KDR: variants seen among roughly 807,000 people sequenced by gnomAD.
The protein encoded by KDR is kinase insert domain receptor, also known as vascular endothelial growth factor receptor 2.
KDR carries 43 observed loss-of-function variants against 160.9 expected under a neutral mutation model. That is an observed-to-expected ratio of 0.27 (90% CI 0.21 to 0.34). KDR has a LOEUF of 0.34. Among genes scored for constraint, KDR ranks in the 10% least tolerant of loss-of-function variants. KDR has a pLI of 1.00. For missense variants in KDR, 1,469 were observed against 1,666.4 expected (o/e 0.88, Z 2.06); for synonymous variants, 617 against 600.1 (o/e 1.03, Z -0.41).
intron 22 of KDR, 151 bp from the exon 23 acceptor site, chr4:55,090,229 A>T: frequency 1.2e-6 from 1 of 843,766 alleles, no homozygotes; most frequent in Non-Finnish European, 1.9e-6. Context: ...ACTTCAGGAA[A>T]AAAGTCTGTG....
rs1466474419 is a variant in KDR, at chr4:55,078,795, A to G, written c.*1146T>C. On this transcript the variant is annotated 3_prime_UTR_variant, in exon 30 of 30. Coordinates refer to ENST00000263923, the MANE Select transcript of KDR (RefSeq NM_002253.4). ...TATATGTTAAAAGTCTAAATAATACAATAGATGTTATAATTTGGGCTATAA... is the reference window on the plus strand; with the variant it reads ...TATATGTTAAAAGTCTAAATAATACGATAGATGTTATAATTTGGGCTATAA... The G allele has an allele frequency of 4.3e-6, 1 of 232,954 alleles. No homozygotes were observed. The highest frequency in any genetic ancestry group is 5.6e-5 in the Admixed American group (1 of 17,776). 14.4% of individuals were successfully genotyped at this position (232,954 alleles called of 1,614,324 possible).
chr4:55,096,860 T>TAA, intron 18 of KDR: 1 of 185,130 alleles, frequency 5.4e-6, no homozygotes, highest in Admixed American at 5.3e-5. Flanking sequence ...GACTATGTGT[T>TAA]TGATCCTGTA....
Position 55,106,928 on chromosome 4 carries a change from C to A in KDR, c.1413-118G>T, listed in dbSNP as rs536383116. The A allele has an allele frequency of 1.5e-5, 13 of 886,550 alleles. No individual in the cohort carries two copies. The African/African-American group carries it at 1.6e-4, about 11-fold the overall frequency. The allele number at this position is 886,550 out of a possible 1,614,324, so 54.9% of individuals were successfully genotyped here. ...TTCTTAGAAATAACTTCCAACGCAG[C>A]CTACCATGGTACAAGACTTGGCGCC... On this transcript the variant is annotated intron_variant, in intron 10 of 29. Transcript: ENST00000263923.
intron 5 of KDR, 89 bp from the exon 6 acceptor site, chr4:55,114,354 T>G: frequency 1.4e-6 from 2 of 1,384,276 alleles, no homozygotes; most frequent in Non-Finnish European, 2.0e-6. Flanking sequence ...TAATGCAACT[T>G]TAAAACATGC....
intron 3 of KDR, among the ~76,000 whole-genome samples, chr4:55,117,876 G>C (rs1391220534): frequency 2.0e-5 from 3 of 152,174 alleles, no homozygotes; most frequent in East Asian, 1.9e-4. Flanking sequence ...AGATAAGATA[G>C]TGTAAGATTT....
At chr4:55,103,617 A>G (rs1401120970) in intron 13 of KDR, among the ~76,000 whole-genome samples, 1 of 152,148 alleles carries the variant, frequency 6.6e-6, no homozygotes, top group Non-Finnish European at 1.5e-5. Context: ...ACTTGACCCC[A>G]AAGTATCTCT....
chr4:55,099,698 C>G (rs1009490613), intron 15 of KDR, among the ~76,000 whole-genome samples: 2 of 152,140 alleles, frequency 1.3e-5, no homozygotes, highest in African/African-American at 4.8e-5. Context: ...ACTTAATCTC[C>G]TCAACAACTC....
At chr4:55,085,616 A>C (rs964884955) in intron 27 of KDR, among the ~76,000 whole-genome samples, 1 of 152,220 alleles carries the variant, frequency 6.6e-6, no homozygotes, top group Non-Finnish European at 1.5e-5. Context: ...TTAAAATGTG[A>C]CCGTGAGTTT....
chr4:55,112,156 C>T (rs1004540830), intron 7 of KDR, among the ~76,000 whole-genome samples: 2 of 151,978 alleles, frequency 1.3e-5, no homozygotes, highest in Non-Finnish European at 2.9e-5. Flanking sequence ...TACAGTTGAC[C>T]CTTAAATAAC....
chr4:55,091,506 A>G lies in KDR; in HGVS notation c.3069+1111T>C, dbSNP rs549334398. Among the ~76,000 whole-genome samples, 9 of 152,334 alleles carry G rather than the reference A, an allele frequency of 5.9e-5. No homozygotes were observed. In the East Asian group the frequency reaches 1.7e-3, roughly 29 times the overall value. On this transcript the variant is annotated intron_variant, in intron 22 of 29. Transcript: ENST00000263923. ...CGGCCATAAAAAAATGGTAATAATAAGTCATAATCTCCAAGAAGTGTAAAG... is the reference window on the plus strand; with the variant it reads ...CGGCCATAAAAAAATGGTAATAATAGGTCATAATCTCCAAGAAGTGTAAAG...
At chr4:55,089,554 C>T in intron 24 of KDR, 81 bp from the exon 25 acceptor site, 2 of 1,327,442 alleles carry the variant, frequency 1.5e-6, no homozygotes, top group Admixed American at 1.7e-5. Flanking sequence ...TGCACATCCT[C>T]ATCACCTATG....
chr4:55,124,494 T>A (rs1321894133), intron 1 of KDR, among the ~76,000 whole-genome samples: 1 of 152,258 alleles, frequency 6.6e-6, no homozygotes, highest in South Asian at 2.1e-4. Flanking sequence ...AACTTCTGAC[T>A]ATGCGCTTAC....
chr4:55,115,211 A>T (rs1720702798), intron 4 of KDR, 70 bp downstream of exon 4: 1 of 1,372,238 alleles, frequency 7.3e-7, no homozygotes, highest in African/African-American at 1.4e-5. Flanking sequence ...TATTATAAAC[A>T]GGTTACCCAT....
At chr4:55,111,945 A>G (rs997654660) in intron 7 of KDR, among the ~76,000 whole-genome samples, 11 of 152,254 alleles carry the variant, frequency 7.2e-5, no homozygotes, top group African/African-American at 2.7e-4. Context: ...ACTCTAATAA[A>G]TAGCATTATC....
chr4:55,105,047 T>C, intron 12 of KDR, 63 bp from the exon 13 acceptor site: 1 of 1,366,518 alleles, frequency 7.3e-7, no homozygotes, highest in Non-Finnish European at 1.0e-6. Context: ...ACTATCATCT[T>C]GCTGCTTTCA....
intron 27 of KDR, among the ~76,000 whole-genome samples, chr4:55,087,044 G>C (rs1355218929): frequency 1.3e-5 from 2 of 152,200 alleles, no homozygotes; most frequent in African/African-American, 4.8e-5. Context: ...AATCAGGAAA[G>C]GACTGCAGTG....
At chr4:55,123,309 T>C (rs1290346043) in intron 1 of KDR, among the ~76,000 whole-genome samples, 1 of 152,190 alleles carries the variant, frequency 6.6e-6, no homozygotes, top group Non-Finnish European at 1.5e-5. Context: ...AAAACCATTA[T>C]TTGGGCACAT....
intron 22 of KDR, 136 bp downstream of exon 22, chr4:55,092,481 A>G: frequency 2.8e-6 from 2 of 719,792 alleles, no homozygotes; most frequent in Non-Finnish European, 5.1e-6. Flanking sequence ...GAGCCTCCCC[A>G]GTAGAGCTCT....
chr4:55,080,145 T>G lies in KDR; in HGVS notation c.3867A>C (p.Lys1289Asn). The change falls in exon 30 of 30, where the codon AAA (lysine) becomes AAC (asparagine). Residue 1289 changes from lysine (K) to asparagine (N), a missense_variant. Around this residue, in one of 7 missense-constraint regions of KDR, gnomAD observed 229 missense variants for 197.8 expected, o/e 1.16. Transcript: ENST00000263923. The stretch of plus-strand genomic sequence containing the variant: ...CTTCAGATGCCACAGACTCCCTGCT[T>G]TTGCTGGGCACCATTCCACTGCAGA... ...SPSFGGMVPS[K>N]SRESVASEGS... 1.2e-6 allele frequency: 2 copies of G among 1,613,250 alleles called. No homozygotes were observed.
Sources: allele counts gnomAD v4.1 joint callset (sites outside exome capture counted in the v4.1 genomes callset), GRCh38; gene constraint gnomAD v4.1.1; regional missense constraint gnomAD v4.1.1; transcripts MANE v1.5; gene names NCBI Gene and HGNC (gene_info 2026-07-23, HGNC 2026-07-21).